The following RASEF variants were observed in gnomAD, a reference collection of about 807,000 sequenced individuals.
The protein encoded by RASEF is RAS and EF-hand domain containing, also known as ras and EF-hand domain-containing protein.
RASEF carries 68 observed loss-of-function variants against 90.1 expected under a neutral mutation model. That is an observed-to-expected ratio of 0.75 (90% CI 0.62 to 0.92). RASEF has a LOEUF of 0.92. RASEF is among the 40% of genes least tolerant of loss of function. The pLI, the probability that RASEF is intolerant of heterozygous loss-of-function variation, is 0.00. For missense variants in RASEF, 949 were observed against 937.2 expected (o/e 1.01, Z -0.16); for synonymous variants, 331 against 345.2 (o/e 0.96, Z 0.46).
chr9:83,093,116 A>G, the RASEF span, among the ~76,000 whole-genome samples: 1 of 152,076 alleles, frequency 6.6e-6, no homozygotes, highest in Non-Finnish European at 1.5e-5. Flanking sequence ...CAGGGTGCTG[A>G]TTGGTGTGTT....
At chr9:83,216,422 G>T in the RASEF span, among the ~76,000 whole-genome samples, 1 of 152,180 alleles carries the variant, frequency 6.6e-6, no homozygotes, top group South Asian at 2.1e-4. Context: ...GGCTAACAGG[G>T]CCCAAGGTAC....
chr9:82,990,619 T>C (rs1828796145), intron 15 of RASEF, 152 bp from the exon 16 acceptor site: 1 of 549,218 alleles, frequency 1.8e-6, no homozygotes, highest in Non-Finnish European at 3.2e-6. Context: ...TTCCAGTACT[T>C]ACAAAGAAAA....
At chr9:82,988,351 C>T (rs766518718) in intron 16 of RASEF, among the ~76,000 whole-genome samples, 6 of 152,140 alleles carry the variant, frequency 3.9e-5, no homozygotes, top group Non-Finnish European at 7.4e-5. Flanking sequence ...GATATTAGTC[C>T]ATGATTCTCC....
chr9:83,079,533 A>T, the RASEF span, among the ~76,000 whole-genome samples: 1 of 152,176 alleles, frequency 6.6e-6, no homozygotes, highest in East Asian at 1.9e-4. Context: ...ACAGCACTAA[A>T]CTATTTGTGA....
the RASEF span, among the ~76,000 whole-genome samples, chr9:83,084,042 C>T: frequency 1.4e-4 from 21 of 151,934 alleles, no homozygotes; most frequent in East Asian, 5.8e-4. Context: ...TGGAATATTA[C>T]GCAAGCATCA....
At chr9:83,130,255 T>C in the RASEF span, among the ~76,000 whole-genome samples, 24 of 152,228 alleles carry the variant, frequency 1.6e-4, no homozygotes, top group Non-Finnish European at 3.2e-4. Context: ...TAAGACTTTA[T>C]CTTTTTAGAG....
chr9:83,029,170 A>G (rs1216535134), intron 1 of RASEF, among the ~76,000 whole-genome samples: 1 of 152,164 alleles, frequency 6.6e-6, no homozygotes, highest in Non-Finnish European at 1.5e-5. Context: ...CAGAATAAGG[A>G]TTCAAACTCA....
chr9:82,982,206 T>C lies in RASEF; in HGVS notation c.*471A>G, dbSNP rs909008294. 1.3e-5 allele frequency: 2 copies of C among 153,598 alleles called. No homozygotes were observed. The highest frequency in any genetic ancestry group is 1.9e-4 in the East Asian group (1 of 5,248). The allele number at this position is 153,598 out of a possible 1,614,324, so 9.5% of individuals were successfully genotyped here. On this transcript the variant is annotated 3_prime_UTR_variant, in exon 17 of 17. Transcript: ENST00000376447. ...TACAGATGAAGAAACAGATCCGACA[T>C]GGGCTTGTGACATGTCCAAGGTCAC...
At chr9:83,208,490 A>G in the RASEF span, among the ~76,000 whole-genome samples, 561 of 152,188 alleles carry the variant, frequency 3.7e-3, 5 homozygotes, top group African/African-American at 0.013. Context: ...AAACCTTACT[A>G]TCTACATAGG....
At chr9:83,215,757 G>T in the RASEF span, among the ~76,000 whole-genome samples, 1,112 of 152,276 alleles carry the variant, frequency 7.3e-3, 15 homozygotes, top group African/African-American at 0.025. Flanking sequence ...AGGTTGGAAT[G>T]GTTTGAGGAG....
intron 1 of RASEF, among the ~76,000 whole-genome samples, chr9:83,053,769 G>A (rs1017773681): frequency 2.1e-5 from 3 of 144,778 alleles, no homozygotes; most frequent in East Asian, 2.0e-4. Context: ...GCATTTGCTC[G>A]TCTATAAAGT....
the RASEF span, among the ~76,000 whole-genome samples, chr9:83,119,774 G>A: frequency 2.0e-5 from 3 of 152,126 alleles, no homozygotes; most frequent in Admixed American, 6.5e-5. Flanking sequence ...AATCTTTCCC[G>A]TGCTGTTCTT....
the RASEF span, among the ~76,000 whole-genome samples, chr9:83,153,537 T>A: frequency 1.3e-5 from 2 of 152,148 alleles, no homozygotes; most frequent in African/African-American, 2.4e-5. Flanking sequence ...TTTCCTTTGT[T>A]TCTCCATCAT....
rs966416527 is a variant in RASEF at position 83,004,493 on chromosome 9, C to T, written c.1202+5G>A. 5.1e-6 allele frequency: 8 copies of T among 1,560,458 alleles called. No homozygotes were observed. Among genetic ancestry groups the T allele is most frequent in the Non-Finnish European group, 7.1e-6 (8 of 1,131,512 alleles). On this transcript the variant is annotated splice_donor_5th_base_variant and intron_variant, in intron 9 of 16. Transcript: ENST00000376447. ...TGAACAGAAAGTTAAGACGAGTTAA[C>T]ATACCTGTCATAGCCTAGAGGTTGA... is the stretch of plus-strand genomic sequence containing the variant.
At chr9:83,005,575 C>G (rs1829114659) in intron 7 of RASEF, 75 bp from the exon 8 acceptor site, 6 of 1,078,172 alleles carry the variant, frequency 5.6e-6, no homozygotes, top group Non-Finnish European at 8.6e-6. Context: ...ACTTTCTTTT[C>G]TAGCTGTAAC....
chr9:83,193,916 C>T, the RASEF span, among the ~76,000 whole-genome samples: 5 of 152,096 alleles, frequency 3.3e-5, no homozygotes, highest in African/African-American at 9.7e-5. Context: ...CTATGAAGTT[C>T]GAGGGTAAAT....
chr9:83,150,415 T>C, the RASEF span, among the ~76,000 whole-genome samples: 24 of 152,230 alleles, frequency 1.6e-4, no homozygotes, highest in African/African-American at 4.6e-4. Flanking sequence ...CGAAGACTCA[T>C]CTCATTAGAA....
At chr9:83,037,744 A>ATTTTTTTT (rs35483330) in intron 1 of RASEF, among the ~76,000 whole-genome samples, 1 of 131,860 alleles carries the variant, frequency 7.6e-6, no homozygotes, top group African/African-American at 2.8e-5. Context: ...TAAATGTCCT[A>ATTTTTTTT]TTTTTTTTTT....
intron 9 of RASEF, among the ~76,000 whole-genome samples, chr9:83,003,408 T>C (rs1428589350): frequency 1.3e-5 from 2 of 152,314 alleles, no homozygotes; most frequent in African/African-American, 4.8e-5. Flanking sequence ...GTCTAATCTT[T>C]CCAAAATGAA....
Sources: allele counts gnomAD v4.1 joint callset (sites outside exome capture counted in the v4.1 genomes callset), GRCh38; gene constraint gnomAD v4.1.1; transcripts MANE v1.5; gene names NCBI Gene and HGNC (gene_info 2026-07-23, HGNC 2026-07-21).